Variants in FRMD3 observed in about 807,000 individuals in gnomAD.
FRMD3 encodes the protein FERM domain containing 3, also known as FERM domain-containing protein 3.
FRMD3 carries 33 observed loss-of-function variants against 70.2 expected under a neutral mutation model. The ratio of observed to expected loss-of-function variants is 0.47; its 90% CI spans 0.36 to 0.63. The LOEUF (loss-of-function observed/expected upper bound fraction) is 0.63, where lower values mean the gene tolerates loss of function less well. FRMD3 is among the 20% of genes least tolerant of loss of function. The pLI is 0.00. For missense variants in FRMD3, 632 were observed against 711.4 expected (o/e 0.89, Z 1.27); for synonymous variants, 279 against 255.9 (o/e 1.09, Z -0.86).
In FRMD3 at chr9:83,295,424, G is replaced by A. The variant is rs575862576; in HGVS notation, c.1070+3324C>T. Among the ~76,000 whole-genome samples the A allele has an allele frequency of 9.8e-5, 15 of 152,302 alleles. No individual in the cohort carries two copies. The South Asian group carries it at 1.7e-3, about 17-fold the overall frequency. ...AAACTCCACCTGGAGGGATTTTAAT[G>A]TGAATGTATCTGTCATATTCCAGTT... On this transcript the variant is annotated intron_variant, in intron 12 of 13. Coordinates refer to ENST00000304195, the MANE Select transcript of FRMD3 (RefSeq NM_174938.6).
rs567989736 is a variant in FRMD3 at position 83,503,051 on chromosome 9, A to G, written c.147+35034T>C. 3.3e-5 allele frequency among the ~76,000 whole-genome samples: 5 copies of G among 152,300 alleles called. No individual in the cohort carries two copies. In the South Asian group the frequency reaches 1.0e-3, roughly 32 times the overall value. On this transcript the variant is annotated intron_variant, in intron 1 of 13. Coordinates refer to ENST00000304195, the MANE Select transcript of FRMD3 (RefSeq NM_174938.6). ...CAGTAGTACTGCTAATACTACTGAT[A>G]TTGGCTGCAAAAGACTATTGGGAAG...
chr9:83,409,002 G>A (rs911397358), intron 1 of FRMD3, among the ~76,000 whole-genome samples: 1 of 152,122 alleles, frequency 6.6e-6, no homozygotes, highest in Non-Finnish European at 1.5e-5. Context: ...GTCTACCCAG[G>A]CAGCTCAAAG....
At chr9:83,319,745 G>A (rs1354547227) in intron 6 of FRMD3, among the ~76,000 whole-genome samples, 1 of 152,080 alleles carries the variant, frequency 6.6e-6, no homozygotes, top group Non-Finnish European at 1.5e-5. Context: ...ATAGTGAATG[G>A]GTCACATGAG....
chr9:83,321,541 T>C (rs936473810), intron 6 of FRMD3, among the ~76,000 whole-genome samples: 1 of 152,222 alleles, frequency 6.6e-6, no homozygotes, highest in Non-Finnish European at 1.5e-5. Context: ...TCTGGGAAGA[T>C]ATTTAATACA....
intron 5 of FRMD3, among the ~76,000 whole-genome samples, chr9:83,342,685 GGATAGATTAGATA>G (rs1459698099): frequency 5.6e-4 from 80 of 143,666 alleles, no homozygotes; most frequent in African/African-American, 2.0e-3. Flanking sequence ...ATGGATGGAT[GGATAGATTAGATA>G]GATAGATAGA....
At chr9:83,572,129 A>C in the FRMD3 span, among the ~76,000 whole-genome samples, 872 of 151,130 alleles carry the variant, frequency 5.8e-3, 14 homozygotes, top group African/African-American at 0.021. Flanking sequence ...AGCAATAGAT[A>C]GATGGTGAAG....
At chr9:83,251,861 C>T (rs575291204) in intron 13 of FRMD3, among the ~76,000 whole-genome samples, 127 of 152,140 alleles carry the variant, frequency 8.3e-4, no homozygotes, top group African/African-American at 2.9e-3. Context: ...GAGAAATATG[C>T]GATTATGTGA....
intron 13 of FRMD3, chr9:83,279,257 A>G (rs1833888973): frequency 6.6e-6 from 1 of 152,204 alleles, no homozygotes; most frequent in South Asian, 2.1e-4. Flanking sequence ...TCTTTCAAGT[A>G]AGAAAAACTC....
chr9:83,376,159 TA>T (rs58886156), intron 2 of FRMD3, among the ~76,000 whole-genome samples: 81,539 of 129,354 alleles, frequency 0.63, 25,326 homozygotes, highest in Admixed American at 0.68. Context: ...AGATTCTGTT[TA>T]AAAAAAAAAA....
rs564556579 is a variant in FRMD3, at chr9:83,493,481, C to T, written c.147+44604G>A. 2.8e-3 allele frequency among the ~76,000 whole-genome samples: 420 copies of T among 152,312 alleles called. 1 individual carries two copies. The highest frequency in any genetic ancestry group is 6.8e-3 in the Middle Eastern group (2 of 294). On this transcript the variant is annotated intron_variant, in intron 1 of 13. Coordinates refer to ENST00000304195, the MANE Select transcript of FRMD3 (RefSeq NM_174938.6). ...CTGGCGCTTCCCAAAATGTCTTCCACGAAGCACTGGCTCCACTGAAACCTT... is the reference window on the plus strand; with the variant it reads ...CTGGCGCTTCCCAAAATGTCTTCCATGAAGCACTGGCTCCACTGAAACCTT...
At chr9:83,445,152 G>C (rs1192474305) in intron 1 of FRMD3, among the ~76,000 whole-genome samples, 1 of 152,164 alleles carries the variant, frequency 6.6e-6, no homozygotes, top group Non-Finnish European at 1.5e-5. Flanking sequence ...AAAGAGGTCA[G>C]ATCACTTGAA....
the FRMD3 span, among the ~76,000 whole-genome samples, chr9:83,571,546 T>G: frequency 3.3e-5 from 5 of 152,340 alleles, no homozygotes; most frequent in African/African-American, 9.6e-5. Context: ...GGTTAAATTT[T>G]AGTTGCGTGT....
chr9:83,474,843 C>A (rs1828356107), intron 1 of FRMD3, among the ~76,000 whole-genome samples: 1 of 151,706 alleles, frequency 6.6e-6, no homozygotes. Flanking sequence ...AAAACAGCTG[C>A]TAGAGGGATG....
chr9:83,515,109 G>A (rs1317221455), intron 1 of FRMD3, among the ~76,000 whole-genome samples: 1 of 152,212 alleles, frequency 6.6e-6, no homozygotes, highest in Non-Finnish European at 1.5e-5. Flanking sequence ...ACTGGATGGA[G>A]AATGAGTTTG....
the FRMD3 span, among the ~76,000 whole-genome samples, chr9:83,565,556 G>A: frequency 6.6e-6 from 1 of 152,258 alleles, no homozygotes; most frequent in South Asian, 2.1e-4. Context: ...GTCACCCAGG[G>A]TTCCCTCTCC....
intron 1 of FRMD3, among the ~76,000 whole-genome samples, chr9:83,506,081 A>G (rs1587490722): frequency 6.6e-6 from 1 of 152,204 alleles, no homozygotes; most frequent in Admixed American, 6.5e-5. Context: ...TGCAGTAGGA[A>G]GAGTAGATAA....
At chr9:83,299,461 G>A (rs1417487654) in intron 10 of FRMD3, among the ~76,000 whole-genome samples, 13 of 152,094 alleles carry the variant, frequency 8.5e-5, no homozygotes, top group Non-Finnish European at 1.8e-4. Context: ...TCATTAGTGG[G>A]TCACAACCTG....
At chr9:83,326,462 T>TTAA (rs1836020705) in intron 6 of FRMD3, among the ~76,000 whole-genome samples, 1 of 152,134 alleles carries the variant, frequency 6.6e-6, no homozygotes, top group South Asian at 2.1e-4. Flanking sequence ...TAATTGAAAA[T>TTAA]GTCATACACA....
intron 1 of FRMD3, among the ~76,000 whole-genome samples, chr9:83,501,092 A>G (rs1289851188): frequency 6.6e-6 from 1 of 152,184 alleles, no homozygotes; most frequent in East Asian, 1.9e-4. Context: ...GTCTTCTGTA[A>G]TTGCTTTTCT....
Sources: allele counts gnomAD v4.1 joint callset (sites outside exome capture counted in the v4.1 genomes callset), GRCh38; gene constraint gnomAD v4.1.1; transcripts MANE v1.5; gene names NCBI Gene and HGNC (gene_info 2026-07-23, HGNC 2026-07-21).